ST8SIA1: variants seen among roughly 807,000 people sequenced by gnomAD.
The protein encoded by ST8SIA1 is alpha-N-acetylneuraminide alpha-2,8-sialyltransferase.
In ST8SIA1, 16 loss-of-function variants were observed where a neutral mutation model predicts 35.9. The observed-to-expected ratio is 0.45, with a 90% CI of 0.30 to 0.68. ST8SIA1 has a LOEUF of 0.68. ST8SIA1 is among the 30% of genes least tolerant of loss of function. The pLI, the probability that ST8SIA1 is intolerant of heterozygous loss-of-function variation, is 0.09. For missense variants in ST8SIA1, 383 were observed against 453.6 expected, an observed-to-expected ratio of 0.84 and a Z score of 1.41; for synonymous variants, 170 against 169.6, an observed-to-expected ratio of 1.00 and a Z score of -0.02.
chr12:22,201,627 C>A lies in ST8SIA1; in HGVS notation c.996G>T (p.Trp332Cys), dbSNP rs1865048732. Reference protein sequence around the residue: ...HAMPEEFLQLWYLHKIGALRM... With the variant: ...HAMPEEFLQLCYLHKIGALRM... Reference sequence around the variant, plus strand: ...TCAGTGCACCGATTTTATGAAGATACCAGAGTTGGAGAAATTCCTCGGGCA... The same window carrying A: ...TCAGTGCACCGATTTTATGAAGATAACAGAGTTGGAGAAATTCCTCGGGCA... The change falls in exon 5 of 5, where the codon TGG becomes TGT. Residue 332 changes from tryptophan to cysteine, a missense_variant. Transcript: ENST00000396037. 1.2e-6 allele frequency: 2 copies of A among 1,613,980 alleles called. No individual in the cohort carries two copies. Among genetic ancestry groups the A allele is most frequent in the Non-Finnish European group, 1.7e-6 (2 of 1,179,962 alleles).
chr12:22,305,760 T>C (rs1866376575), intron 1 of ST8SIA1, among the ~76,000 whole-genome samples: 1 of 152,192 alleles, frequency 6.6e-6, no homozygotes, highest in African/African-American at 2.4e-5. Context: ...TGTCAAAATT[T>C]GGCATTGGGG....
intron 2 of ST8SIA1, among the ~76,000 whole-genome samples, chr12:22,277,646 C>T (rs942107715): frequency 6.6e-6 from 1 of 152,154 alleles, no homozygotes; most frequent in Non-Finnish European, 1.5e-5. Flanking sequence ...GGATTACAGG[C>T]ATGAGCCACC....
chr12:22,325,650 C>T (rs931948693), intron 1 of ST8SIA1: 12 of 613,310 alleles, frequency 2.0e-5, no homozygotes, highest in Non-Finnish European at 3.5e-5. Flanking sequence ...ATGTCTGAAA[C>T]TTCAGATGGT....
chr12:22,295,343 T>C (rs114454664), intron 1 of ST8SIA1, among the ~76,000 whole-genome samples: 227 of 152,220 alleles, frequency 1.5e-3, no homozygotes, highest in African/African-American at 5.2e-3. Flanking sequence ...TGATACATGA[T>C]AGATTAACAG....
At chr12:22,325,199 A>G in intron 1 of ST8SIA1, 2 of 423,834 alleles carry the variant, frequency 4.7e-6, no homozygotes. Context: ...CATGGGGGAC[A>G]TAAAATCATG....
intron 2 of ST8SIA1, 95 bp from the exon 3 acceptor site, chr12:22,255,484 T>A: frequency 9.3e-7 from 1 of 1,073,434 alleles, no homozygotes. Flanking sequence ...GGAATTTGAC[T>A]GAAGACTGAG....
chr12:22,213,191 C>T (rs1395463549), intron 4 of ST8SIA1, among the ~76,000 whole-genome samples: 1 of 152,080 alleles, frequency 6.6e-6, no homozygotes, highest in African/African-American at 2.4e-5. Flanking sequence ...AGCCCCCTGC[C>T]CACCAAATTA....
At chr12:22,259,542 T>G (rs1865764381) in intron 2 of ST8SIA1, among the ~76,000 whole-genome samples, 1 of 152,020 alleles carries the variant, frequency 6.6e-6, no homozygotes, top group African/African-American at 2.4e-5. Context: ...CTGGGATCAC[T>G]GCAAGCTCCG....
intron 4 of ST8SIA1, among the ~76,000 whole-genome samples, chr12:22,204,181 A>C (rs1036897775): frequency 7.9e-5 from 4 of 50,616 alleles, no homozygotes; most frequent in African/African-American, 1.8e-4. Flanking sequence ...TCTCCTCTTC[A>C]AAAAAAAAAT....
intron 2 of ST8SIA1, among the ~76,000 whole-genome samples, chr12:22,270,033 CAT>C (rs1347452158): frequency 2.0e-5 from 3 of 152,128 alleles, no homozygotes; most frequent in African/African-American, 7.2e-5. Context: ...GTATTTCAGA[CAT>C]ATCAGGAGAG....
chr12:22,243,375 A>T (rs1865561615), intron 4 of ST8SIA1, among the ~76,000 whole-genome samples: 1 of 151,680 alleles, frequency 6.6e-6, no homozygotes, highest in Non-Finnish European at 1.5e-5. Context: ...TATGAATAAA[A>T]TATCTAATAT....
At chr12:22,305,408 T>A (rs926190864) in intron 1 of ST8SIA1, among the ~76,000 whole-genome samples, 1 of 146,810 alleles carries the variant, frequency 6.8e-6, no homozygotes, top group Admixed American at 6.9e-5. Flanking sequence ...TGAGATGGAG[T>A]TTTGCTCTGT....
At chr12:22,286,938 C>T (rs562133514) in intron 2 of ST8SIA1, among the ~76,000 whole-genome samples, 8 of 152,306 alleles carry the variant, frequency 5.3e-5, no homozygotes, top group Admixed American at 2.0e-4. Flanking sequence ...GCTAGGAAAA[C>T]TGTAACTCTG....
At chr12:22,276,183 C>T (rs1350553840) in intron 2 of ST8SIA1, among the ~76,000 whole-genome samples, 2 of 152,196 alleles carry the variant, frequency 1.3e-5, no homozygotes, top group African/African-American at 4.8e-5. Flanking sequence ...AAAACTAGTC[C>T]TCTTAGAATT....
At chr12:22,209,615 C>T (rs974203304) in intron 4 of ST8SIA1, among the ~76,000 whole-genome samples, 5 of 152,186 alleles carry the variant, frequency 3.3e-5, no homozygotes, top group African/African-American at 1.2e-4. Flanking sequence ...CCCTGCATTT[C>T]CAGTTCTCAG....
At position 22,220,368 on chromosome 12, in the gene ST8SIA1, A is replaced by G. The variant is rs1865283318; in HGVS notation, c.585-18330T>C. 2.0e-5 allele frequency among the ~76,000 whole-genome samples: 3 copies of G among 152,202 alleles called. No individual in the cohort carries two copies. In the South Asian group the frequency reaches 6.2e-4, roughly 32 times the overall value. On this transcript the variant is annotated intron_variant, in intron 4 of 4. Transcript: ENST00000396037. ...ACAAAGGAGTATGTTTGGCAGAGGG[A>G]CAGTGTTTAATAAATGCATATTGAA... is the stretch of plus-strand genomic sequence containing the variant.
At chr12:22,333,956 G>A in intron 1 of ST8SIA1, 41 bp downstream of exon 1, 1 of 1,575,876 alleles carries the variant, frequency 6.3e-7, no homozygotes, top group East Asian at 2.2e-5. Context: ...ACTCGGGGAG[G>A]AAAGGACGCT....
intron 1 of ST8SIA1, among the ~76,000 whole-genome samples, chr12:22,292,752 G>T (rs1000255889): frequency 1.3e-5 from 2 of 152,140 alleles, no homozygotes; most frequent in African/African-American, 4.8e-5. Context: ...CTAGCAGCGG[G>T]AGAAAGAATG....
At chr12:22,238,244 T>C (rs1865498054) in intron 4 of ST8SIA1, among the ~76,000 whole-genome samples, 1 of 152,176 alleles carries the variant, frequency 6.6e-6, no homozygotes, top group Non-Finnish European at 1.5e-5. Context: ...CTTCAAGCAA[T>C]AGAGTATGAT....
Sources: allele counts gnomAD v4.1 joint callset (sites outside exome capture counted in the v4.1 genomes callset), GRCh38; gene constraint gnomAD v4.1.1; transcripts MANE v1.5; gene names NCBI Gene and HGNC (gene_info 2026-07-23, HGNC 2026-07-21).